PPP1R9A: variants seen among roughly 807,000 people sequenced by gnomAD.
PPP1R9A encodes neurabin-1.
A neutral mutation model predicts 141.9 loss-of-function variants in PPP1R9A; 59 were observed. The ratio of observed to expected loss-of-function variants is 0.42; its 90% CI spans 0.34 to 0.52. The LOEUF (loss-of-function observed/expected upper bound fraction) is 0.52, where lower values mean the gene tolerates loss of function less well. PPP1R9A is among the 20% of genes least tolerant of loss of function. PPP1R9A has a pLI of 0.10. For missense variants in PPP1R9A, 1,444 were observed against 1,611.9 expected (o/e 0.90, Z 1.78); for synonymous variants, 500 against 569.7 (o/e 0.88, Z 1.74).
intron 2 of PPP1R9A, among the ~76,000 whole-genome samples, chr7:95,017,549 C>T (rs1053569180): frequency 6.6e-6 from 1 of 152,006 alleles, no homozygotes. Flanking sequence ...TCTAAGACCC[C>T]TACACTGAAA....
chr7:95,283,323 T>G (rs1804634280), intron 16 of PPP1R9A, among the ~76,000 whole-genome samples: 1 of 152,246 alleles, frequency 6.6e-6, no homozygotes, highest in Non-Finnish European at 1.5e-5. Flanking sequence ...ATATCTCATT[T>G]AATTCTTAAC....
At chr7:95,153,896 C>T (rs1829147940) in intron 4 of PPP1R9A, among the ~76,000 whole-genome samples, 1 of 152,036 alleles carries the variant, frequency 6.6e-6, no homozygotes, top group Non-Finnish European at 1.5e-5. Context: ...GAAATTTATC[C>T]ATTTCCTCCA....
intron 8 of PPP1R9A, among the ~76,000 whole-genome samples, chr7:95,245,509 C>T (rs1798004855): frequency 6.6e-6 from 1 of 152,100 alleles, no homozygotes; most frequent in African/African-American, 2.4e-5. Context: ...GGAGCGTCCA[C>T]TGGGCATTCA....
chr7:95,066,202 G>A (rs1000176989), intron 2 of PPP1R9A, among the ~76,000 whole-genome samples: 1 of 152,178 alleles, frequency 6.6e-6, no homozygotes, highest in Non-Finnish European at 1.5e-5. Context: ...TTGCACAGAG[G>A]AAACACTGTG....
At chr7:95,034,923 G>C (rs1431786515) in intron 2 of PPP1R9A, among the ~76,000 whole-genome samples, 1 of 152,122 alleles carries the variant, frequency 6.6e-6, no homozygotes, top group African/African-American at 2.4e-5. Context: ...TAAATGCAGG[G>C]ATGTTAATTA....
At chr7:95,099,279 A>G (rs1040003277) in intron 2 of PPP1R9A, among the ~76,000 whole-genome samples, 1 of 152,292 alleles carries the variant, frequency 6.6e-6, no homozygotes, top group East Asian at 1.9e-4. Flanking sequence ...ATGGTTGCCA[A>G]TTGGGTTAAT....
chr7:95,047,825 A>G (rs1000927485), intron 2 of PPP1R9A, among the ~76,000 whole-genome samples: 1 of 152,118 alleles, frequency 6.6e-6, no homozygotes, highest in African/African-American at 2.4e-5. Flanking sequence ...AGTTGGAAGT[A>G]CTCCATATAG....
rs1428908018 is a variant in PPP1R9A, at chr7:95,295,539, C to T, written c.*5236C>T. On this transcript the variant is annotated 3_prime_UTR_variant, in exon 20 of 20. Transcript: ENST00000433360. Reference sequence around the variant, plus strand: ...GATGCTTACAGTCACTGCCTACTGGCTCTCTTATGATGAATGTTGCCATCA... The same window carrying T: ...GATGCTTACAGTCACTGCCTACTGGTTCTCTTATGATGAATGTTGCCATCA... 1.3e-5 allele frequency: 2 copies of T among 152,174 alleles called. No homozygotes were observed. The highest frequency in any genetic ancestry group is 2.9e-5 in the Non-Finnish European group (2 of 68,046). 9.4% of individuals were successfully genotyped at this position (152,174 alleles called of 1,614,324 possible).
At chr7:95,199,737 A>G (rs1279363063) in intron 6 of PPP1R9A, among the ~76,000 whole-genome samples, 2 of 152,184 alleles carry the variant, frequency 1.3e-5, no homozygotes, top group African/African-American at 4.8e-5. Context: ...ACACTGAGAT[A>G]TTTTGTATGA....
At chr7:94,983,133 T>G (rs1242186384) in intron 2 of PPP1R9A, among the ~76,000 whole-genome samples, 1 of 152,166 alleles carries the variant, frequency 6.6e-6, no homozygotes, top group East Asian at 1.9e-4. Flanking sequence ...AAAGATCAGA[T>G]GGTTGTAGAT....
At chr7:95,123,763 A>C (rs1022817633) in intron 4 of PPP1R9A, among the ~76,000 whole-genome samples, 1 of 152,186 alleles carries the variant, frequency 6.6e-6, no homozygotes, top group Non-Finnish European at 1.5e-5. Context: ...ATATTCAACA[A>C]ATTACTTAAT....
intron 2 of PPP1R9A, among the ~76,000 whole-genome samples, chr7:95,023,811 C>A (rs189354243): frequency 6.6e-6 from 1 of 152,316 alleles, no homozygotes; most frequent in East Asian, 1.9e-4. Context: ...CTTGGCCTCC[C>A]AAAGTGTTGG....
At chr7:95,213,058 C>G (rs1259264653) in intron 7 of PPP1R9A, among the ~76,000 whole-genome samples, 1 of 152,016 alleles carries the variant, frequency 6.6e-6, no homozygotes, top group East Asian at 1.9e-4. Flanking sequence ...CACCTCAAGC[C>G]AAGACTGTGT....
intron 4 of PPP1R9A, among the ~76,000 whole-genome samples, chr7:95,134,909 G>C (rs1185326778): frequency 6.6e-6 from 1 of 152,008 alleles, no homozygotes. Flanking sequence ...GGGTCATATT[G>C]CCATTTACTT....
At chr7:95,035,254 A>G (rs751586544) in intron 2 of PPP1R9A, among the ~76,000 whole-genome samples, 103 of 152,332 alleles carry the variant, frequency 6.8e-4, no homozygotes, top group Admixed American at 1.0e-3. Flanking sequence ...CAAATTAATT[A>G]AAAATATTTT....
chr7:94,963,096 T>A (rs1797816999), intron 2 of PPP1R9A, among the ~76,000 whole-genome samples: 2 of 152,130 alleles, frequency 1.3e-5, no homozygotes, highest in Non-Finnish European at 2.9e-5. Context: ...TTTGGGTTTA[T>A]GAAACCACAT....
chr7:95,257,965 T>C (rs1799848997), intron 12 of PPP1R9A, among the ~76,000 whole-genome samples: 1 of 152,304 alleles, frequency 6.6e-6, no homozygotes, highest in East Asian at 1.9e-4. Flanking sequence ...TGAATAGTGC[T>C]GCAATAAACA....
chr7:94,925,340 A>G (rs1322586692), intron 2 of PPP1R9A, among the ~76,000 whole-genome samples: 1 of 152,240 alleles, frequency 6.6e-6, no homozygotes, highest in Non-Finnish European at 1.5e-5. Context: ...AGAAACATCT[A>G]GAATAATGTT....
chr7:95,079,870 C>T (rs1233643746), intron 2 of PPP1R9A, among the ~76,000 whole-genome samples: 6 of 152,132 alleles, frequency 3.9e-5, no homozygotes, highest in Non-Finnish European at 4.4e-5. Flanking sequence ...GCAGAAAAGG[C>T]CTTTGACAAA....
Sources: allele counts gnomAD v4.1 joint callset (sites outside exome capture counted in the v4.1 genomes callset), GRCh38; gene constraint gnomAD v4.1.1; transcripts MANE v1.5; gene names NCBI Gene and HGNC (gene_info 2026-07-23, HGNC 2026-07-21).